The following PARD3 variants were observed in gnomAD, a reference collection of about 807,000 sequenced individuals.
PARD3 encodes par-3 family cell polarity regulator.
In PARD3, 75 loss-of-function variants were observed where a neutral mutation model predicts 155.4. That is an observed-to-expected ratio of 0.48 (90% CI 0.40 to 0.58). PARD3 has a LOEUF of 0.58. Ranked by LOEUF, PARD3 falls within the 20% of genes least tolerant of loss-of-function variation. PARD3 has a pLI of 0.00. For missense variants in PARD3, 1,642 were observed against 1,721.7 expected, an observed-to-expected ratio of 0.95 and a Z score of 0.82; for synonymous variants, 576 against 610.5, an observed-to-expected ratio of 0.94 and a Z score of 0.83.
At chr10:34,167,127 G>A (rs1049891615) in intron 22 of PARD3, among the ~76,000 whole-genome samples, 1 of 152,194 alleles carries the variant, frequency 6.6e-6, no homozygotes, top group African/African-American at 2.4e-5. Context: ...CTGGGTCTGT[G>A]TGTCTGAGGG....
chr10:34,244,551 A>G (rs1176363608), intron 22 of PARD3, among the ~76,000 whole-genome samples: 1 of 152,200 alleles, frequency 6.6e-6, no homozygotes, highest in Non-Finnish European at 1.5e-5. Flanking sequence ...ATGCAACGTT[A>G]TCAATTCTGA....
In PARD3 at chr10:34,519,875, CATAACATAAA is replaced by C. The variant is rs1466417754; in HGVS notation, c.223-2726_223-2717del. ...CATAACATAACATAACATAACATAACATAACATAAAAATAGAAAATAAATCCCAAAGAGTA... is the reference window on the plus strand; with the variant it reads ...CATAACATAACATAACATAACATAACAATAGAAAATAAATCCCAAAGAGTA... On this transcript the variant is annotated intron_variant, in intron 2 of 24. Coordinates refer to ENST00000374788, the MANE Select transcript of PARD3 (RefSeq NM_001184785.2). Among the ~76,000 whole-genome samples, 34 of 143,912 alleles carry C rather than the reference CATAACATAAA, an allele frequency of 2.4e-4. 1 individual carries two copies. Among genetic ancestry groups the C allele is most frequent in the African/African-American group, 8.4e-4 (33 of 39,136 alleles). The allele number at this position is 143,912 out of a possible 152,430, so 94.4% of individuals were successfully genotyped here.
intron 11 of PARD3, 125 bp downstream of exon 11, chr10:34,374,749 G>A: frequency 2.2e-6 from 2 of 908,932 alleles, no homozygotes; most frequent in Non-Finnish European, 3.4e-6. Context: ...AGTGAGGGCT[G>A]AAAGAAATAT....
chr10:34,808,813 A>G (rs1588860801), intron 1 of PARD3, among the ~76,000 whole-genome samples: 1 of 152,168 alleles, frequency 6.6e-6, no homozygotes, highest in African/African-American at 2.4e-5. Context: ...ATCCATGTCT[A>G]CCACAAGCCA....
chr10:34,789,417 G>T (rs191400665), intron 1 of PARD3, among the ~76,000 whole-genome samples: 11 of 152,272 alleles, frequency 7.2e-5, no homozygotes, highest in African/African-American at 1.9e-4. Flanking sequence ...AAAGCATTTG[G>T]TCAGGTGCCA....
In PARD3 at chr10:34,520,822, C is replaced by G. The variant is rs547650907; in HGVS notation, c.223-3663G>C. On this transcript the variant is annotated intron_variant, in intron 2 of 24. Transcript: ENST00000374788. ...CATGCAATTTTAGTTTCAGTTTGAG[C>G]AATAAAACTAAAAGTCAAGGTACCT... Among the ~76,000 whole-genome samples, 14 of 152,208 alleles carry G rather than the reference C, an allele frequency of 9.2e-5. No individual in the cohort carries two copies. In the East Asian group the frequency reaches 2.5e-3, roughly 27 times the overall value.
intron 9 of PARD3, among the ~76,000 whole-genome samples, chr10:34,381,216 A>G (rs1841787084): frequency 6.6e-6 from 1 of 152,224 alleles, no homozygotes; most frequent in Non-Finnish European, 1.5e-5. Flanking sequence ...TGGTCTGAAT[A>G]TCCGGATATG....
chr10:34,232,268 T>C (rs1406048430), intron 22 of PARD3, among the ~76,000 whole-genome samples: 1 of 152,052 alleles, frequency 6.6e-6, no homozygotes, highest in Non-Finnish European at 1.5e-5. Context: ...CTCCAGTCAA[T>C]TGCAATTTTA....
At chr10:34,297,524 T>C (rs1235545554) in intron 20 of PARD3, among the ~76,000 whole-genome samples, 1 of 152,284 alleles carries the variant, frequency 6.6e-6, no homozygotes, top group East Asian at 1.9e-4. Context: ...AACAAGAATA[T>C]CTAAACATTC....
intron 2 of PARD3, among the ~76,000 whole-genome samples, chr10:34,558,746 C>G (rs965723750): frequency 3.9e-5 from 6 of 152,156 alleles, no homozygotes; most frequent in Non-Finnish European, 8.8e-5. Context: ...GCCTGGCCAA[C>G]ATGGTGAAAC....
At chr10:34,326,392 A>G (rs1835034573) in intron 19 of PARD3, among the ~76,000 whole-genome samples, 1 of 152,172 alleles carries the variant, frequency 6.6e-6, no homozygotes, top group African/African-American at 2.4e-5. Flanking sequence ...TCTTCTTCTT[A>G]GCATTTCAGA....
At chr10:34,801,788 T>C (rs571899547) in intron 1 of PARD3, among the ~76,000 whole-genome samples, 8 of 152,214 alleles carry the variant, frequency 5.3e-5, no homozygotes, top group African/African-American at 1.4e-4. Context: ...AGAAGTGTTA[T>C]GGGCACATGA....
chr10:34,565,854 T>C (rs985891977), intron 2 of PARD3, among the ~76,000 whole-genome samples: 1 of 152,330 alleles, frequency 6.6e-6, no homozygotes, highest in Admixed American at 6.5e-5. Flanking sequence ...GATAATTGGC[T>C]TTTCATAATT....
chr10:34,339,297 C>T (rs1444252169), intron 16 of PARD3, among the ~76,000 whole-genome samples: 2 of 151,814 alleles, frequency 1.3e-5, no homozygotes, highest in Non-Finnish European at 2.9e-5. Context: ...GCGGAGCTTG[C>T]AGTGAGCCAA....
chr10:34,691,417 A>T (rs566669744), intron 2 of PARD3, among the ~76,000 whole-genome samples: 2 of 152,338 alleles, frequency 1.3e-5, no homozygotes, highest in South Asian at 4.1e-4. Flanking sequence ...ATGAGAATTT[A>T]AAAACACTGC....
chr10:34,481,413 T>C (rs981988770), intron 3 of PARD3, among the ~76,000 whole-genome samples: 3 of 152,210 alleles, frequency 2.0e-5, no homozygotes, highest in African/African-American at 7.2e-5. Context: ...GTGAAGGACC[T>C]GGCCTGAGGC....
chr10:34,374,490 G>A (rs1841019509), intron 11 of PARD3, among the ~76,000 whole-genome samples: 1 of 152,140 alleles, frequency 6.6e-6, no homozygotes, highest in Non-Finnish European at 1.5e-5. Context: ...CTATGAAAAT[G>A]TGAAATATGA....
intron 20 of PARD3, among the ~76,000 whole-genome samples, chr10:34,303,162 A>ATTTTTTTTTTTTTTTT (rs5784409): frequency 2.9e-4 from 38 of 131,968 alleles, no homozygotes; most frequent in East Asian, 1.3e-3. Context: ...GCCCAGGTGA[A>ATTTTTTTTTTTTTTTT]TTTTTTTTTT....
intron 1 of PARD3, among the ~76,000 whole-genome samples, chr10:34,722,194 A>AAT (rs1468963469): frequency 6.6e-6 from 1 of 152,044 alleles, no homozygotes; most frequent in Non-Finnish European, 1.5e-5. Flanking sequence ...CCTGTCTCAA[A>AAT]ATATATATTT....
Sources: allele counts gnomAD v4.1 joint callset (sites outside exome capture counted in the v4.1 genomes callset), GRCh38; gene constraint gnomAD v4.1.1; transcripts MANE v1.5; gene names NCBI Gene and HGNC (gene_info 2026-07-23, HGNC 2026-07-21).